Variants in ZNF638 observed in about 807,000 individuals in gnomAD.
ZNF638 encodes the protein zinc finger protein 638.
Under a neutral mutation model 195.6 loss-of-function variants are expected in ZNF638, and 46 were observed. The ratio of observed to expected loss-of-function variants is 0.24; its 90% CI spans 0.19 to 0.30. The LOEUF is 0.30. ZNF638 is among the 10% of genes least tolerant of loss of function. The pLI is 1.00. For missense variants in ZNF638, 2,440 were observed against 2,325.3 expected (o/e 1.05, Z -1.01); for synonymous variants, 845 against 772.0 (o/e 1.09, Z -1.57).
rs372301713 is a variant in ZNF638, at chr2:71,401,964, A to G, written c.2706A>G (p.Glu902=). The G allele has an allele frequency of 3.8e-6, 6 of 1,572,056 alleles. No homozygotes were observed. The African/African-American group carries it at 5.5e-5, about 14-fold the overall frequency. ...TENEPLNKET[E]EMCVMLVSNL... ...AAAAATTTGTTTTGAAGGAAACAGA[A>G]GAAATGTGTGTGATGCTTGTCTCTA... Residue 902 remains glutamate, a synonymous_variant, in exon 16 of 28, where the codon GAA becomes GAG. Coordinates refer to ENST00000264447, the MANE Select transcript of ZNF638 (RefSeq NM_014497.5).
Position 71,427,152 on chromosome 2 carries a change from T to G in ZNF638, c.5283T>G (p.Ser1761=). The G allele has an allele frequency of 6.2e-7, 1 of 1,612,954 alleles. No homozygotes were observed. The highest frequency in any genetic ancestry group is 8.5e-7 in the Non-Finnish European group (1 of 1,179,662). ...LDEVTEEDED[S]LADFNNLKEE... is the part of the protein sequence containing the mutation. ...AAGTAACTGAAGAGGATGAAGACTC[T>G]CTGGCGGATTTTAACAACCTTAAAG... Residue 1761 remains serine (S), a synonymous_variant, in exon 24 of 28, where the codon TCT becomes TCG. Transcript: ENST00000264447.
rs1256448486 is a variant in ZNF638 at position 71,426,905 on chromosome 2, G to A, written c.5036G>A (p.Arg1679His). The change falls in exon 24 of 28, where the codon CGC becomes CAC. Residue 1679 changes from arginine (R) to histidine (H), a missense_variant. Coordinates refer to ENST00000264447, the MANE Select transcript of ZNF638 (RefSeq NM_014497.5). ...AEEQDLLKQE[R>H]LVTVDEIGEV... is the part of the protein sequence containing the mutation. ...GAACAAGATCTCCTCAAACAGGAAC[G>A]CTTGGTAACTGTGGATGAAATTGGA... The A allele has an allele frequency of 6.8e-6, 11 of 1,614,002 alleles. No individual in the cohort carries two copies. The East Asian group carries it at 1.1e-4, about 16-fold the overall frequency.
chr2:71,398,207 T>A (rs1463575426), intron 11 of ZNF638, among the ~76,000 whole-genome samples: 1 of 152,144 alleles, frequency 6.6e-6, no homozygotes, highest in East Asian at 1.9e-4. Flanking sequence ...TTTTCAGATT[T>A]TGGAATATTT....
intron 14 of ZNF638, 80 bp downstream of exon 14, chr2:71,400,260 C>G (rs1281391410): frequency 8.5e-7 from 1 of 1,176,364 alleles, no homozygotes; most frequent in Non-Finnish European, 1.2e-6. Flanking sequence ...AAGAGTATTA[C>G]GATTCATGTC....
chr2:71,359,187 A>G (rs1382542247), intron 3 of ZNF638, among the ~76,000 whole-genome samples: 1 of 152,144 alleles, frequency 6.6e-6, no homozygotes, highest in Non-Finnish European at 1.5e-5. Context: ...ATGGAGGCGG[A>G]GAAGTCCCAC....
At chr2:71,353,489 C>T (rs2078975357) in intron 2 of ZNF638, among the ~76,000 whole-genome samples, 1 of 152,156 alleles carries the variant, frequency 6.6e-6, no homozygotes, top group South Asian at 2.1e-4. Context: ...TCTGGGGAGG[C>T]AGTGCTGCTT....
intron 4 of ZNF638, among the ~76,000 whole-genome samples, 176 bp downstream of exon 4, chr2:71,363,367 CT>C (rs1480822789): frequency 4.6e-5 from 7 of 152,192 alleles, no homozygotes; most frequent in East Asian, 3.9e-4. Flanking sequence ...AGCCCCTCCC[CT>C]GATCTACTTT....
In ZNF638 at chr2:71,422,850, G is replaced by A. The variant is rs769967267; in HGVS notation, c.3336G>A (p.Glu1112=). ...GLKNSPIDES[E]VQTATDSPSV... Reference sequence around the variant, plus strand: ...AAAACAGTCCAATTGATGAAAGTGAGGTGCAAACAGCAACTGATAGTCCCT... The same window carrying A: ...AAAACAGTCCAATTGATGAAAGTGAAGTGCAAACAGCAACTGATAGTCCCT... Residue 1112 remains glutamate, a synonymous_variant, in exon 22 of 28, where the codon GAG becomes GAA. Transcript: ENST00000264447. 1.2e-6 allele frequency: 2 copies of A among 1,613,652 alleles called. No individual in the cohort carries two copies. Among genetic ancestry groups the A allele is most frequent in the Admixed American group, 3.3e-5 (2 of 59,958 alleles).
chr2:71,418,472 A>G (rs1294730220), intron 20 of ZNF638, 130 bp from the exon 21 acceptor site: 1 of 576,846 alleles, frequency 1.7e-6, no homozygotes, highest in Non-Finnish European at 2.8e-6. Context: ...GACACTGAAA[A>G]CTAGCTGCTT....
chr2:71,374,689 G>A (rs1024891), intron 8 of ZNF638: 150,093 of 152,348 alleles, frequency 0.99, 73,942 homozygotes, highest in East Asian at 1. Flanking sequence ...AGGCTGAGGT[G>A]GGCAGATAAC....
At chr2:71,403,278 G>A (rs2080042490) in intron 16 of ZNF638, among the ~76,000 whole-genome samples, 1 of 151,940 alleles carries the variant, frequency 6.6e-6, no homozygotes, top group Non-Finnish European at 1.5e-5. Context: ...ATTTCAAATA[G>A]GCTTACAACT....
At chr2:71,388,516 T>C (rs1212941703) in intron 10 of ZNF638, 2 of 709,164 alleles carry the variant, frequency 2.8e-6, no homozygotes, top group South Asian at 1.5e-5. Flanking sequence ...CTCCAGCTTA[T>C]TGGGGCTGCG....
chr2:71,370,075 C>T, intron 8 of ZNF638, 70 bp downstream of exon 8: 1 of 1,492,722 alleles, frequency 6.7e-7, no homozygotes, highest in Non-Finnish European at 9.1e-7. Context: ...TTAAGTATGG[C>T]ACACATATAG....
intron 10 of ZNF638, among the ~76,000 whole-genome samples, chr2:71,394,024 C>A (rs760737278): frequency 6.6e-6 from 1 of 152,202 alleles, no homozygotes; most frequent in Non-Finnish European, 1.5e-5. Context: ...GTGCCACTTT[C>A]CCCAGCATTC....
At chr2:71,408,683 T>C (rs919203692) in intron 20 of ZNF638, 1 of 419,046 alleles carries the variant, frequency 2.4e-6, no homozygotes, top group Admixed American at 3.5e-5. Context: ...TACACAGTAG[T>C]ACATGTAGGA....
intron 8 of ZNF638, among the ~76,000 whole-genome samples, chr2:71,373,372 T>C (rs1431857591): frequency 6.6e-6 from 1 of 151,988 alleles, no homozygotes; most frequent in Admixed American, 6.6e-5. Context: ...TAATTTTGCA[T>C]TGTATGTAAG....
chr2:71,398,655 A>G lies in ZNF638; in HGVS notation c.2429-46A>G, dbSNP rs577603896. 7.0e-6 allele frequency: 10 copies of G among 1,428,028 alleles called. No homozygotes were observed. The African/African-American group carries it at 1.1e-4, about 16-fold the overall frequency. 88.5% of individuals were successfully genotyped at this position (1,428,028 alleles called of 1,614,324 possible). Reference sequence around the variant, plus strand: ...CTGTGAGGTTCTTTGGAGATTGTTGATACTAGTTAAGTAAACCAGTTTTGA... The same window carrying G: ...CTGTGAGGTTCTTTGGAGATTGTTGGTACTAGTTAAGTAAACCAGTTTTGA... On this transcript the variant is annotated intron_variant, in intron 11 of 27. Coordinates refer to ENST00000264447, the MANE Select transcript of ZNF638 (RefSeq NM_014497.5).
rs569240761 is a variant in ZNF638 at position 71,346,033 on chromosome 2, A to C, written c.-202-2720A>C. On this transcript the variant is annotated intron_variant, in intron 1 of 27. Transcript: ENST00000264447. ...TTGGGCACATTAGGAAATACACAGTACATTTTTGCCTTTAAGGAATTTTAA... is the reference window on the plus strand; with the variant it reads ...TTGGGCACATTAGGAAATACACAGTCCATTTTTGCCTTTAAGGAATTTTAA... 3.9e-5 allele frequency among the ~76,000 whole-genome samples: 6 copies of C among 152,342 alleles called. No individual in the cohort carries two copies. In the East Asian group the frequency reaches 1.2e-3, roughly 29 times the overall value.
intron 5 of ZNF638, among the ~76,000 whole-genome samples, 153 bp from the exon 6 acceptor site, chr2:71,365,276 A>G (rs1573054395): frequency 6.6e-6 from 1 of 151,584 alleles, no homozygotes; most frequent in Non-Finnish European, 1.5e-5. Flanking sequence ...AAGGAACTTC[A>G]TGTAAAAGCC....
Sources: allele counts gnomAD v4.1 joint callset (sites outside exome capture counted in the v4.1 genomes callset), GRCh38; gene constraint gnomAD v4.1.1; transcripts MANE v1.5; gene names NCBI Gene and HGNC (gene_info 2026-07-23, HGNC 2026-07-21).